The following ALMS1 variants were observed in gnomAD, a reference collection of about 807,000 sequenced individuals.
ALMS1 encodes ALMS1 centrosome and basal body associated protein, also known as centrosome-associated protein ALMS1.
ALMS1 carries 271 observed loss-of-function variants against 352.2 expected under a neutral mutation model. That is an observed-to-expected ratio of 0.77 (90% CI 0.70 to 0.85). ALMS1 has a LOEUF of 0.85. ALMS1 is among the 40% of genes least tolerant of loss of function. The pLI, the probability that ALMS1 is intolerant of heterozygous loss-of-function variation, is 0.00. For synonymous variants in ALMS1, 1,865 were observed against 1,761.2 expected (o/e 1.06, Z -1.48); for missense variants, 5,445 against 4,870.7 (o/e 1.12, Z -3.51).
chr2:73,550,333 C>G lies in ALMS1; in HGVS notation c.9974C>G (p.Ser3325Ter), dbSNP rs754690894. Reference protein sequence around the residue: ...QVLGTRDDDLSATVNIKHKEG... With the variant: ...QVLGTRDDDL ...CTAGGCACAAGAGATGATGACCTCT[C>G]AGCCACTGTTAACATTAAACATAAA... The change falls in exon 13 of 23, where the codon TCA becomes TGA. Residue 3325 changes from serine to a stop codon, truncating the protein, a stop_gained. Transcript: ENST00000613296. LOFTEE classifies it high-confidence loss of function. 1.2e-6 allele frequency: 2 copies of G among 1,614,192 alleles called. No homozygotes were observed. The highest frequency in any genetic ancestry group is 2.2e-5 in the South Asian group (2 of 91,080).
chr2:73,453,505 C>T lies in ALMS1; in HGVS notation c.6978C>T (p.Ser2326=). 6.2e-7 allele frequency: 1 copy of T among 1,613,486 alleles called. No homozygotes were observed. Among genetic ancestry groups the T allele is most frequent in the Non-Finnish European group, 8.5e-7 (1 of 1,179,876 alleles). Residue 2326 remains serine (S), a synonymous_variant, in exon 8 of 23, where the codon AGC becomes AGT. Transcript: ENST00000613296. ...ACAGACAGCCATTCACAGAGGAAAG[C>T]CCAAGCAGCAGGTGCATACAGAAGG... The part of the protein sequence containing the change: ...LLHRQPFTEE[S]PSSRCIQKDI...
intron 10 of ALMS1, among the ~76,000 whole-genome samples, chr2:73,509,753 T>C (rs543431252): frequency 3.4e-4 from 52 of 152,302 alleles, no homozygotes; most frequent in African/African-American, 1.3e-3. Flanking sequence ...TTGCTCTTCT[T>C]GAGGAGTATC....
chr2:73,529,732 C>A (rs887791446), intron 11 of ALMS1, among the ~76,000 whole-genome samples: 1 of 152,146 alleles, frequency 6.6e-6, no homozygotes, highest in Non-Finnish European at 1.5e-5. Flanking sequence ...TAGAAGTATG[C>A]TACCTGAGAC....
intron 9 of ALMS1, among the ~76,000 whole-genome samples, chr2:73,472,529 G>A (rs1467390950): frequency 6.6e-6 from 1 of 151,888 alleles, no homozygotes; most frequent in African/African-American, 2.4e-5. Flanking sequence ...GGAACTCTAG[G>A]GCTCTTGCAA....
intron 13 of ALMS1, among the ~76,000 whole-genome samples, chr2:73,556,741 C>T (rs1302338278): frequency 3.3e-5 from 5 of 150,780 alleles, no homozygotes; most frequent in Non-Finnish European, 7.4e-5. Flanking sequence ...GTCTCACTGT[C>T]GCCCCGGCTG....
At chr2:73,588,776 C>T (rs1188775195) in intron 16 of ALMS1, among the ~76,000 whole-genome samples, 1 of 152,046 alleles carries the variant, frequency 6.6e-6, no homozygotes, top group Non-Finnish European at 1.5e-5. Flanking sequence ...ACAGAGAGAC[C>T]TCCATGAGAA....
chr2:73,424,914 G>T lies in ALMS1; in HGVS notation c.1237+12G>T. 6.3e-7 allele frequency: 1 copy of T among 1,577,720 alleles called. No individual in the cohort carries two copies. Among genetic ancestry groups the T allele is most frequent in the South Asian group, 1.2e-5 (1 of 86,082 alleles). On this transcript the variant is annotated intron_variant, in intron 5 of 22. Coordinates refer to ENST00000613296, the MANE Select transcript of ALMS1 (RefSeq NM_001378454.1). ...AACATATTTAACCAGTAAGTACCCTGATTCTTTTTCAGATTCATCTGACAC... is the reference window on the plus strand; with the variant it reads ...AACATATTTAACCAGTAAGTACCCTTATTCTTTTTCAGATTCATCTGACAC...
Position 73,519,956 on chromosome 2 carries a change from C to A in ALMS1, c.9721C>A (p.Pro3241Thr), listed in dbSNP as rs746680944. 1.2e-6 allele frequency: 2 copies of A among 1,614,016 alleles called. No individual in the cohort carries two copies. The highest frequency in any genetic ancestry group is 1.1e-5 in the South Asian group (1 of 91,074). ...TGGTAACCAGAAGCTACGCAAAGCTCCTGTCAAGTTTGCCTCATCATCTTC... is the reference window on the plus strand; with the variant it reads ...TGGTAACCAGAAGCTACGCAAAGCTACTGTCAAGTTTGCCTCATCATCTTC... The part of the protein sequence containing the change: ...EPGNQKLRKA[P>T]VKFASSSSVQ... The change falls in exon 11 of 23, where the codon CCT becomes ACT. Residue 3241 changes from proline (P) to threonine (T), a missense_variant. By Grantham distance (38) the Pro-to-Thr change is conservative. Coordinates refer to ENST00000613296, the MANE Select transcript of ALMS1 (RefSeq NM_001378454.1).
At chr2:73,568,740 T>C (rs1231737112) in intron 15 of ALMS1, among the ~76,000 whole-genome samples, 1 of 152,182 alleles carries the variant, frequency 6.6e-6, no homozygotes, top group East Asian at 1.9e-4. Flanking sequence ...TCTGCAGTTC[T>C]AGGTATGAAA....
chr2:73,569,959 T>G (rs563020694), intron 15 of ALMS1, among the ~76,000 whole-genome samples: 25 of 152,322 alleles, frequency 1.6e-4, no homozygotes, highest in African/African-American at 5.8e-4. Flanking sequence ...AAAAGACTAC[T>G]TTGACCACTA....
In ALMS1 at chr2:73,540,882, T is replaced by G. The variant is rs533741916; in HGVS notation, c.9907+5933T>G. On this transcript the variant is annotated intron_variant, in intron 12 of 22. Transcript: ENST00000613296. ...CACCCAGATTGATAAAGCAAGTCCT[T>G]AGAGACCTACAAAGAGACTTAGACT... Among the ~76,000 whole-genome samples the G allele has an allele frequency of 2.0e-5, 3 of 152,276 alleles. No individual in the cohort carries two copies. The East Asian group carries it at 5.8e-4, about 29-fold the overall frequency.
chr2:73,514,693 G>T (rs986897252), intron 10 of ALMS1, among the ~76,000 whole-genome samples: 2 of 152,088 alleles, frequency 1.3e-5, no homozygotes, highest in African/African-American at 4.8e-5. Context: ...TCTGTACTAT[G>T]TTGGATCATT....
intron 16 of ALMS1, among the ~76,000 whole-genome samples, chr2:73,580,756 G>A (rs905311606): frequency 6.6e-6 from 1 of 152,120 alleles, no homozygotes; most frequent in Non-Finnish European, 1.5e-5. Flanking sequence ...AAAGTTGTTG[G>A]TTTATTTAGT....
At chr2:73,405,730 T>C (rs1020563174) in intron 1 of ALMS1, among the ~76,000 whole-genome samples, 1 of 152,166 alleles carries the variant, frequency 6.6e-6, no homozygotes, top group African/African-American at 2.4e-5. Context: ...AGTCCTACTT[T>C]TGCTACATTC....
intron 15 of ALMS1, 100 bp from the exon 16 acceptor site, chr2:73,572,162 C>A: frequency 9.8e-7 from 1 of 1,021,476 alleles, no homozygotes; most frequent in Non-Finnish European, 1.4e-6. Flanking sequence ...ACTATTCTTT[C>A]CTTTAGTCTT....
chr2:73,490,005 A>G lies in ALMS1; in HGVS notation c.8046A>G (p.Glu2682=). 1 of 1,614,246 alleles carries G rather than the reference A, an allele frequency of 6.2e-7. No individual in the cohort carries two copies. Among genetic ancestry groups the G allele is most frequent in the Non-Finnish European group, 8.5e-7 (1 of 1,180,060 alleles). ...AAAAGATGGACCCTTGGCTGTCAGA[A>G]TTAGTAGAACCTGCTTTTGTGCCAC... ...FDEKMDPWLS[E]LVEPAFVPPK... is the part of the protein sequence containing the mutation. The change falls in exon 10 of 23, where the codon GAA becomes GAG. Residue 2682 remains glutamate (E), a synonymous_variant. Transcript: ENST00000613296.
In ALMS1 at chr2:73,490,922, C is replaced by G; in HGVS notation, c.8963C>G (p.Pro2988Arg). The change falls in exon 10 of 23, where the codon CCT becomes CGT. Residue 2988 changes from proline (P) to arginine (R), a missense_variant. Coordinates refer to ENST00000613296, the MANE Select transcript of ALMS1 (RefSeq NM_001378454.1). ...DQMNKHHFPLPQGQDCVVEKN... is the reference protein window; with the variant it reads ...DQMNKHHFPLRQGQDCVVEKN... The stretch of plus-strand genomic sequence containing the variant: ...ATGAATAAACACCATTTTCCCCTTC[C>G]TCAAGGTCAGGATTGTGTAGTGGAA... 6.2e-7 allele frequency: 1 copy of G among 1,614,120 alleles called. No individual in the cohort carries two copies.
chr2:73,545,175 T>C (rs1016736653), intron 12 of ALMS1, among the ~76,000 whole-genome samples: 30 of 151,650 alleles, frequency 2.0e-4, no homozygotes, highest in African/African-American at 7.0e-4. Flanking sequence ...TGATTAATTT[T>C]TTGTGGTTTT....
intron 9 of ALMS1, among the ~76,000 whole-genome samples, chr2:73,460,454 C>G (rs78391226): frequency 6.6e-6 from 1 of 151,866 alleles, no homozygotes; most frequent in Non-Finnish European, 1.5e-5. Context: ...TTAAAAAATT[C>G]GGGTGGAGCC....
Sources: gnomAD v4.1 joint callset for allele counts (sites outside exome capture counted in the v4.1 genomes callset) on GRCh38, gnomAD v4.1.1 for gene constraint, MANE v1.5 for transcripts, NCBI Gene and HGNC (gene_info 2026-07-23, HGNC 2026-07-21) for gene names.